Variants in PARD3 observed in about 807,000 individuals in gnomAD.
PARD3 encodes the protein partitioning defective 3 homolog.
PARD3 carries 75 observed loss-of-function variants against 155.4 expected under a neutral mutation model. The observed-to-expected ratio is 0.48, with a 90% confidence interval of 0.40 to 0.58. PARD3 has a LOEUF of 0.58. Among genes scored for constraint, PARD3 ranks in the 20% least tolerant of loss-of-function variants. The probability of loss-of-function intolerance (pLI) is 0.00; values close to 1 mark genes in which losing one functional copy is unlikely to be tolerated. For synonymous variants in PARD3, 576 were observed against 610.5 expected, an observed-to-expected ratio of 0.94 and a Z score of 0.83; for missense variants, 1,642 against 1,721.7, an observed-to-expected ratio of 0.95 and a Z score of 0.82.
At chr10:34,414,923 A>C (rs1038070851) in intron 5 of PARD3, among the ~76,000 whole-genome samples, 2 of 152,106 alleles carry the variant, frequency 1.3e-5, no homozygotes, top group African/African-American at 4.8e-5. Flanking sequence ...TCTTCCAGGG[A>C]CTCATGGAGA....
chr10:34,745,989 C>G (rs1835269553), intron 1 of PARD3, among the ~76,000 whole-genome samples: 2 of 152,132 alleles, frequency 1.3e-5, no homozygotes, highest in South Asian at 4.2e-4. Flanking sequence ...GTAGTCCCAG[C>G]TACTCGGGAG....
chr10:34,643,966 A>C (rs2092758284), intron 2 of PARD3, among the ~76,000 whole-genome samples: 1 of 152,164 alleles, frequency 6.6e-6, no homozygotes, highest in African/African-American at 2.4e-5. Flanking sequence ...CAAGAGTGGA[A>C]GACTCCATGG....
At chr10:34,219,229 G>C (rs1205634750) in intron 22 of PARD3, among the ~76,000 whole-genome samples, 1 of 152,162 alleles carries the variant, frequency 6.6e-6, no homozygotes, top group Non-Finnish European at 1.5e-5. Context: ...GCGGTCTTAG[G>C]AGGCTGATAT....
chr10:34,375,183 A>G (rs1010283496), intron 10 of PARD3, among the ~76,000 whole-genome samples, 181 bp from the exon 11 acceptor site: 8 of 152,094 alleles, frequency 5.3e-5, no homozygotes, highest in Non-Finnish European at 1.0e-4. Flanking sequence ...TTTTGTGACT[A>G]ATAAAGAAAC....
chr10:34,255,702 T>C (rs1046071547), intron 22 of PARD3, among the ~76,000 whole-genome samples: 3 of 152,224 alleles, frequency 2.0e-5, no homozygotes, highest in African/African-American at 7.2e-5. Flanking sequence ...CTTTTCTTCA[T>C]GGAAGACGAC....
intron 2 of PARD3, among the ~76,000 whole-genome samples, chr10:34,666,816 T>TATACATAC (rs765552982): frequency 3.4e-5 from 3 of 88,808 alleles, no homozygotes; most frequent in East Asian, 6.7e-4. Context: ...TATATATATA[T>TATACATAC]ACACACACAC....
In PARD3 at chr10:34,742,401, C is replaced by A. The variant is rs183746966; in HGVS notation, c.121-45982G>T. 3.3e-5 allele frequency among the ~76,000 whole-genome samples: 5 copies of A among 152,206 alleles called. No individual in the cohort carries two copies. In the East Asian group the frequency reaches 9.7e-4, roughly 29 times the overall value. ...AATAGACTGATTAATAGAGATTAAT[C>A]CAATCCACTGCCACAACAGATCTCC... On this transcript the variant is annotated intron_variant, in intron 1 of 24. Transcript: ENST00000374788.
Position 34,541,137 on chromosome 10 carries a change from C to T in PARD3, c.223-23978G>A, listed in dbSNP as rs191834046. Among the ~76,000 whole-genome samples the T allele has an allele frequency of 1.2e-3, 188 of 152,238 alleles. 1 individual carries two copies. The highest frequency in any genetic ancestry group is 3.1e-4 in the Non-Finnish European group (21 of 68,010). The stretch of plus-strand genomic sequence containing the variant: ...GACTGATTTTTAGAAGACAAAGCCA[C>T]GTTTCTTTTCCTATCTTTTTAATGA... On this transcript the variant is annotated intron_variant, in intron 2 of 24. Coordinates refer to ENST00000374788, the MANE Select transcript of PARD3 (RefSeq NM_001184785.2).
At chr10:34,804,857 CCTTT>C (rs1294322764) in intron 1 of PARD3, among the ~76,000 whole-genome samples, 8 of 152,228 alleles carry the variant, frequency 5.3e-5, no homozygotes, top group South Asian at 2.1e-4. Context: ...AAACAACACT[CCTTT>C]CTTTGTGTTT....
chr10:34,459,337 T>G (rs895215927), intron 4 of PARD3, among the ~76,000 whole-genome samples: 8 of 152,060 alleles, frequency 5.3e-5, no homozygotes, highest in Non-Finnish European at 1.2e-4. Context: ...CAGCTAATTT[T>G]TTTTTTTGTA....
chr10:34,128,218 T>G (rs1479061396), intron 23 of PARD3, among the ~76,000 whole-genome samples: 1 of 152,164 alleles, frequency 6.6e-6, no homozygotes, highest in Non-Finnish European at 1.5e-5. Flanking sequence ...CACCATGAGT[T>G]TGAACTTTGA....
chr10:34,577,607 C>T (rs1010048312), intron 2 of PARD3, among the ~76,000 whole-genome samples: 6 of 152,160 alleles, frequency 3.9e-5, no homozygotes, highest in Admixed American at 2.6e-4. Flanking sequence ...CTGTCTAAAT[C>T]CATCATTCTA....
At chr10:34,768,775 T>TG (rs1445929822) in intron 1 of PARD3, among the ~76,000 whole-genome samples, 2 of 152,190 alleles carry the variant, frequency 1.3e-5, no homozygotes, top group African/African-American at 4.8e-5. Flanking sequence ...GCCAGGCAAA[T>TG]GGCTTGGTCC....
rs148522167 is a variant in PARD3 at position 34,402,350 on chromosome 10, C to T, written c.715-433G>A. Among the ~76,000 whole-genome samples the T allele has an allele frequency of 2.6e-3, 394 of 152,138 alleles. 2 individuals carry two copies. Among genetic ancestry groups the T allele is most frequent in the Middle Eastern group, 0.014 (4 of 294 alleles). On this transcript the variant is annotated intron_variant, in intron 5 of 24. Transcript: ENST00000374788. ...AGCTTCCTACTCAAAACAGTTACAA[C>T]GATTATAAACCATAACCATTACCAA...
chr10:34,682,655 G>A (rs2093865888), intron 2 of PARD3, among the ~76,000 whole-genome samples: 1 of 152,122 alleles, frequency 6.6e-6, no homozygotes, highest in Admixed American at 6.5e-5. Flanking sequence ...CCGGGTGTTG[G>A]AGGCTGCACT....
At chr10:34,347,930 A>G in intron 15 of PARD3, 35 bp downstream of exon 15, 1 of 1,571,474 alleles carries the variant, frequency 6.4e-7, no homozygotes, top group African/African-American at 1.3e-5. Flanking sequence ...AAGCATCAAA[A>G]TAAGATGTGA....
At chr10:34,271,594 A>G (rs534905250) in intron 21 of PARD3, among the ~76,000 whole-genome samples, 3 of 152,332 alleles carry the variant, frequency 2.0e-5, no homozygotes, top group South Asian at 2.1e-4. Flanking sequence ...AGGTTCCCTC[A>G]TGCATAATGG....
At chr10:34,367,762 G>C (rs1840118121) in intron 12 of PARD3, among the ~76,000 whole-genome samples, 1 of 152,108 alleles carries the variant, frequency 6.6e-6, no homozygotes. Context: ...TTAAGTGTTA[G>C]CAAAATAAAC....
intron 2 of PARD3, among the ~76,000 whole-genome samples, chr10:34,549,883 CA>C (rs1245036009): frequency 6.6e-6 from 1 of 151,974 alleles, no homozygotes; most frequent in Non-Finnish European, 1.5e-5. Context: ...GATGACAGCA[CA>C]AGCATCTAAA....
Sources: allele counts gnomAD v4.1 joint callset (sites outside exome capture counted in the v4.1 genomes callset), GRCh38; gene constraint gnomAD v4.1.1; transcripts MANE v1.5; gene names NCBI Gene and HGNC (gene_info 2026-07-23, HGNC 2026-07-21).